Variants in ATP10B observed in about 807,000 individuals in gnomAD.
ATP10B encodes ATPase phospholipid transporting 10B (putative).
ATP10B carries 122 observed loss-of-function variants against 141.2 expected under a neutral mutation model. The observed-to-expected ratio is 0.86, with a 90% CI of 0.75 to 1.00. The LOEUF is 1.00. ATP10B is among the 50% of genes least tolerant of loss of function. ATP10B has a pLI of 0.00. For missense variants in ATP10B, 1,876 were observed against 1,825.3 expected (o/e 1.03, Z -0.51); for synonymous variants, 685 against 692.0 (o/e 0.99, Z 0.16).
chr5:160,684,631 C>A (rs1763639639), intron 6 of ATP10B, among the ~76,000 whole-genome samples: 2 of 152,158 alleles, frequency 1.3e-5, no homozygotes, highest in African/African-American at 2.4e-5. Flanking sequence ...ATGATAAAGA[C>A]CTCCTAATTT....
intron 22 of ATP10B, among the ~76,000 whole-genome samples, chr5:160,598,064 T>C (rs1756838958): frequency 7.3e-6 from 1 of 137,912 alleles, no homozygotes; most frequent in Admixed American, 7.4e-5. Context: ...CTATAAATCA[T>C]GCTGCTATAA....
intron 3 of ATP10B, among the ~76,000 whole-genome samples, chr5:160,690,524 T>G (rs946632049): frequency 3.3e-5 from 5 of 151,330 alleles, no homozygotes. Context: ...AAACCAACAA[T>G]CCCATCAAAA....
intron 3 of ATP10B, among the ~76,000 whole-genome samples, chr5:160,706,943 A>ATATTTATTGATT (rs1554106424): frequency 1.4e-4 from 21 of 151,758 alleles, no homozygotes; most frequent in African/African-American, 5.1e-4. Flanking sequence ...GTTTGTTTTA[A>ATATTTATTGATT]TATTTATTTA....
At chr5:160,888,714 G>A in the ATP10B span, among the ~76,000 whole-genome samples, 1 of 152,106 alleles carries the variant, frequency 6.6e-6, no homozygotes, top group Non-Finnish European at 1.5e-5. Flanking sequence ...TGATTTTTAT[G>A]TTTTCCATTC....
chr5:160,903,029 G>A, the ATP10B span, among the ~76,000 whole-genome samples: 424 of 152,300 alleles, frequency 2.8e-3, 2 homozygotes, highest in African/African-American at 9.9e-3. Flanking sequence ...CAACTACTTT[G>A]CCTTAAAAAC....
intron 2 of ATP10B, among the ~76,000 whole-genome samples, chr5:160,764,690 C>A (rs549084814): frequency 6.6e-6 from 1 of 152,082 alleles, no homozygotes; most frequent in Non-Finnish European, 1.5e-5. Context: ...TTCTATTCAG[C>A]GTAGTACTGG....
chr5:160,680,180 T>G (rs1434899652), intron 6 of ATP10B, among the ~76,000 whole-genome samples: 2 of 151,684 alleles, frequency 1.3e-5, no homozygotes, highest in African/African-American at 4.9e-5. Flanking sequence ...GCTCTAGTAT[T>G]CAATTGCACA....
chr5:160,801,182 C>T (rs778829612), intron 1 of ATP10B, among the ~76,000 whole-genome samples: 13 of 152,264 alleles, frequency 8.5e-5, no homozygotes, highest in South Asian at 8.3e-4. Context: ...TCTCTGTCCA[C>T]GAAGCTTCCA....
chr5:160,819,051 T>A (rs985272698), intron 1 of ATP10B, among the ~76,000 whole-genome samples: 1 of 152,124 alleles, frequency 6.6e-6, no homozygotes, highest in Non-Finnish European at 1.5e-5. Context: ...CTAATGCTAA[T>A]GACGAGTTAA....
rs997196389 is a variant in ATP10B at position 160,817,115 on chromosome 5, C to A, written c.-575-31312G>T. The stretch of plus-strand genomic sequence containing the variant: ...CACAAGACAGGGATGCCCTCTCTCA[C>A]CACTCCTATTCAACATAATGTTGGA... On this transcript the variant is annotated intron_variant, in intron 1 of 25. Coordinates refer to ENST00000327245, the MANE Select transcript of ATP10B (RefSeq NM_025153.3). Among the ~76,000 whole-genome samples, 38 of 152,278 alleles carry A rather than the reference C, an allele frequency of 2.5e-4. 1 individual carries two copies. The highest frequency in any genetic ancestry group is 3.4e-3 in the Middle Eastern group (1 of 294).
At chr5:160,859,425 G>A in the ATP10B span, among the ~76,000 whole-genome samples, 1 of 151,264 alleles carries the variant, frequency 6.6e-6, no homozygotes, top group Admixed American at 6.6e-5. Flanking sequence ...TTATATCTTG[G>A]TGTAGATTTC....
At chr5:160,619,439 G>A (rs939872275) in intron 15 of ATP10B, among the ~76,000 whole-genome samples, 14 of 152,128 alleles carry the variant, frequency 9.2e-5, no homozygotes, top group African/African-American at 2.4e-4. Context: ...ATAGAGTGCC[G>A]TGGCTCCCTT....
intron 1 of ATP10B, among the ~76,000 whole-genome samples, chr5:160,787,698 G>A (rs114279245): frequency 0.014 from 2,082 of 152,246 alleles, 55 homozygotes; most frequent in African/African-American, 0.047. Context: ...AGGCTGTATG[G>A]TGGAATCAGC....
chr5:160,632,087 C>T, intron 13 of ATP10B, 42 bp downstream of exon 13: 2 of 1,554,444 alleles, frequency 1.3e-6, no homozygotes, highest in Middle Eastern at 1.7e-4. Flanking sequence ...CCCTCTCTTC[C>T]CACAGAACAC....
chr5:160,576,824 A>G (rs1581139296), intron 24 of ATP10B, among the ~76,000 whole-genome samples: 1 of 152,232 alleles, frequency 6.6e-6, no homozygotes, highest in East Asian at 1.9e-4. Flanking sequence ...GGGGGCCAGC[A>G]GGACCCAGAT....
At chr5:160,920,244 C>T in the ATP10B span, among the ~76,000 whole-genome samples, 70 of 152,168 alleles carry the variant, frequency 4.6e-4, no homozygotes, top group Non-Finnish European at 9.0e-4. Flanking sequence ...GAATTTGAAT[C>T]GACATCTTTC....
At chr5:160,702,040 C>T (rs1196685735) in intron 3 of ATP10B, among the ~76,000 whole-genome samples, 1 of 150,936 alleles carries the variant, frequency 6.6e-6, no homozygotes, top group East Asian at 2.0e-4. Flanking sequence ...CTCTAACCCC[C>T]AGTGCTCCTG....
intron 2 of ATP10B, among the ~76,000 whole-genome samples, chr5:160,780,304 T>A (rs1770629259): frequency 6.6e-6 from 1 of 152,178 alleles, no homozygotes; most frequent in South Asian, 2.1e-4. Flanking sequence ...TGATTTAGCC[T>A]TTTTATAGGG....
At position 160,565,338 on chromosome 5, in the gene ATP10B, GAAGAA is replaced by G; in HGVS notation, c.*110_*114del. 2 of 1,125,976 alleles carry G rather than the reference GAAGAA, an allele frequency of 1.8e-6. No individual in the cohort carries two copies. The highest frequency in any genetic ancestry group is 1.3e-6 in the Non-Finnish European group (1 of 781,036). 69.7% of individuals were successfully genotyped at this position (1,125,976 alleles called of 1,614,324 possible). ...TTCCTCCATGGAAGTCAAGGTTGTTGAAGAAAAGAATAAGACTGGCACATTGTTTC... is the reference window on the plus strand; with the variant it reads ...TTCCTCCATGGAAGTCAAGGTTGTTGAAGAATAAGACTGGCACATTGTTTC... On this transcript the variant is annotated 3_prime_UTR_variant, in exon 26 of 26. Coordinates refer to ENST00000327245, the MANE Select transcript of ATP10B (RefSeq NM_025153.3).
Sources: gnomAD v4.1 joint callset for allele counts (sites outside exome capture counted in the v4.1 genomes callset) on GRCh38, gnomAD v4.1.1 for gene constraint, MANE v1.5 for transcripts, NCBI Gene and HGNC (gene_info 2026-07-23, HGNC 2026-07-21) for gene names.